The following DGKB variants were observed in gnomAD, a reference collection of about 807,000 sequenced individuals.
The protein encoded by DGKB is diacylglycerol kinase beta.
DGKB carries 67 observed loss-of-function variants against 114.3 expected under a neutral mutation model. The observed-to-expected ratio is 0.59, with a 90% CI of 0.48 to 0.72. The LOEUF (loss-of-function observed/expected upper bound fraction) is 0.72. Ranked by LOEUF, DGKB falls within the 30% of genes least tolerant of loss-of-function variation. The probability of loss-of-function intolerance (pLI) is 0.00; values close to 1 mark genes in which losing one functional copy is unlikely to be tolerated. For missense variants in DGKB, 907 were observed against 975.2 expected (o/e 0.93, Z 0.93); for synonymous variants, 398 against 323.1 (o/e 1.23, Z -2.49).
At position 14,672,953 on chromosome 7, in the gene DGKB, G is replaced by A. The variant is rs748567826; in HGVS notation, c.1110C>T (p.Pro370=). The change falls in exon 13 of 26, where the codon CCC becomes CCT. Residue 370 remains proline (P), a synonymous_variant. Coordinates refer to ENST00000402815, the MANE Select transcript of DGKB (RefSeq NM_001350709.2). ...CCAGTACCACTGGACAGATTGTTGT[G>A]GGTGGTAAAATATGGTCCTTCAAAG... ...CGPLKDHILP[P]TTICPVVLTL... 6.4e-7 allele frequency: 1 copy of A among 1,572,654 alleles called. No homozygotes were observed. Among genetic ancestry groups the A allele is most frequent in the East Asian group, 2.3e-5 (1 of 43,272 alleles).
chr7:14,859,823 A>C (rs538144551), intron 1 of DGKB, among the ~76,000 whole-genome samples: 1 of 152,216 alleles, frequency 6.6e-6, no homozygotes, highest in African/African-American at 2.4e-5. Context: ...GTCTCACAAT[A>C]GCTTGTGTTA....
chr7:14,949,025 C>G (rs1786028903), intron 1 of DGKB, among the ~76,000 whole-genome samples: 1 of 151,478 alleles, frequency 6.6e-6, no homozygotes, highest in African/African-American at 2.4e-5. Flanking sequence ...AATGAAGAAA[C>G]AAAACACAAA....
chr7:14,446,506 C>T (rs1175485946), intron 21 of DGKB, among the ~76,000 whole-genome samples: 1 of 152,046 alleles, frequency 6.6e-6, no homozygotes, highest in Non-Finnish European at 1.5e-5. Context: ...GACAGACACT[C>T]AGTGGGATCA....
At chr7:14,425,093 A>G (rs1247256126) in intron 21 of DGKB, among the ~76,000 whole-genome samples, 1 of 152,160 alleles carries the variant, frequency 6.6e-6, no homozygotes, top group Non-Finnish European at 1.5e-5. Flanking sequence ...CAGAAATTAT[A>G]TAATTAAGAA....
At chr7:14,164,751 C>A (rs1400518157) in intron 25 of DGKB, among the ~76,000 whole-genome samples, 1 of 151,942 alleles carries the variant, frequency 6.6e-6, no homozygotes. Context: ...ATGGGTTTAA[C>A]TTTTTGGGGG....
At chr7:14,381,485 G>A (rs1482541413) in intron 21 of DGKB, among the ~76,000 whole-genome samples, 2 of 152,144 alleles carry the variant, frequency 1.3e-5, no homozygotes, top group African/African-American at 4.8e-5. Context: ...ACATATTTTA[G>A]AGATGAGTAA....
chr7:14,912,698 AT>A (rs1784056890), intron 1 of DGKB, among the ~76,000 whole-genome samples: 1 of 152,134 alleles, frequency 6.6e-6, no homozygotes, highest in East Asian at 1.9e-4. Context: ...AAGGCTAAAT[AT>A]TGTCGTGAAA....
intron 1 of DGKB, among the ~76,000 whole-genome samples, chr7:14,955,966 G>A (rs1786479008): frequency 6.6e-6 from 1 of 151,992 alleles, no homozygotes; most frequent in Non-Finnish European, 1.5e-5. Context: ...CATGAGGTAT[G>A]TGTAGCCTGA....
rs1411606563 is a variant in DGKB, at chr7:14,707,496, C to T, written c.467-5766G>A. Among the ~76,000 whole-genome samples, 83 of 117,640 alleles carry T rather than the reference C, an allele frequency of 7.1e-4. 3 individuals carry two copies. Among genetic ancestry groups the T allele is most frequent in the African/African-American group, 2.3e-3 (74 of 31,888 alleles). 77.2% of individuals were successfully genotyped at this position (117,640 alleles called of 152,430 possible). On this transcript the variant is annotated intron_variant, in intron 6 of 25. Transcript: ENST00000402815. The stretch of plus-strand genomic sequence containing the variant: ...GCCAGCATCATTCTGATACCAAAGC[C>T]GGGCAGAGACACAACCAAACAAGAG...
chr7:14,499,036 G>T (rs1785721232), intron 20 of DGKB, among the ~76,000 whole-genome samples: 1 of 151,518 alleles, frequency 6.6e-6, no homozygotes, highest in Non-Finnish European at 1.5e-5. Context: ...AAAAATTCTT[G>T]AACAGAGGTA....
chr7:14,230,000 T>C (rs1484115426), intron 23 of DGKB, among the ~76,000 whole-genome samples: 1 of 151,960 alleles, frequency 6.6e-6, no homozygotes, highest in East Asian at 1.9e-4. Flanking sequence ...TAGTGAAAGA[T>C]TTGTGGTGGA....
At chr7:14,746,949 T>TAAA (rs3071278) in intron 4 of DGKB, among the ~76,000 whole-genome samples, 25 of 150,296 alleles carry the variant, frequency 1.7e-4, no homozygotes, top group Middle Eastern at 3.4e-3. Flanking sequence ...GCAATAATTC[T>TAAA]AAAAAAAAAA....
chr7:14,955,101 T>C (rs1382454923), intron 1 of DGKB, among the ~76,000 whole-genome samples: 1 of 151,954 alleles, frequency 6.6e-6, no homozygotes, highest in African/African-American at 2.4e-5. Context: ...GTTTCTGGAA[T>C]AATGGTGAGA....
At chr7:14,822,022 T>G (rs1288938202) in intron 2 of DGKB, among the ~76,000 whole-genome samples, 1 of 152,160 alleles carries the variant, frequency 6.6e-6, no homozygotes, top group Non-Finnish European at 1.5e-5. Context: ...AGTTATGGAA[T>G]GATGGTAGCA....
intron 23 of DGKB, among the ~76,000 whole-genome samples, chr7:14,316,016 C>G (rs1806420862): frequency 6.6e-6 from 1 of 151,086 alleles, no homozygotes; most frequent in Admixed American, 6.6e-5. Context: ...AACTGAACAA[C>G]CTGCTCCTGA....
At chr7:14,753,717 A>ATTAAGGTACCG (rs1564106447) in intron 4 of DGKB, among the ~76,000 whole-genome samples, 21 of 152,010 alleles carry the variant, frequency 1.4e-4, no homozygotes, top group African/African-American at 5.1e-4. Flanking sequence ...TTAAGGTACC[A>ATTAAGGTACCG]GCTCCTATTA....
chr7:14,159,191 G>A (rs1391217770), intron 25 of DGKB, among the ~76,000 whole-genome samples: 4 of 151,898 alleles, frequency 2.6e-5, no homozygotes, highest in African/African-American at 4.8e-5. Flanking sequence ...CTCACCCCAC[G>A]CTGCCTCTCT....
At chr7:14,382,992 T>C (rs1171790682) in intron 21 of DGKB, among the ~76,000 whole-genome samples, 1 of 152,200 alleles carries the variant, frequency 6.6e-6, no homozygotes, top group Non-Finnish European at 1.5e-5. Flanking sequence ...CGGAATAACC[T>C]CATCCCTGTT....
chr7:14,714,870 G>C lies in DGKB; in HGVS notation c.466+3672C>G, dbSNP rs182039125. ...AATTTGAAAGGATGGGCAACCAAAAGTCAGCAAGCAAATTCAAGAGGGAGT... is the reference window on the plus strand; with the variant it reads ...AATTTGAAAGGATGGGCAACCAAAACTCAGCAAGCAAATTCAAGAGGGAGT... On this transcript the variant is annotated intron_variant, in intron 6 of 25. Coordinates refer to ENST00000402815, the MANE Select transcript of DGKB (RefSeq NM_001350709.2). 7.0e-3 allele frequency among the ~76,000 whole-genome samples: 1,069 copies of C among 152,272 alleles called. 13 individuals are homozygous for C. The highest frequency in any genetic ancestry group is 0.024 in the African/African-American group (986 of 41,558).
Sources: allele counts gnomAD v4.1 joint callset (sites outside exome capture counted in the v4.1 genomes callset), GRCh38; gene constraint gnomAD v4.1.1; transcripts MANE v1.5; gene names NCBI Gene and HGNC (gene_info 2026-07-23, HGNC 2026-07-21).